The following EYA1 variants were observed in gnomAD, a reference collection of about 807,000 sequenced individuals.
EYA1 encodes the protein protein phosphatase EYA1.
Under a neutral mutation model 82.0 loss-of-function variants are expected in EYA1, and 16 were observed. That is an observed-to-expected ratio of 0.20 (90% CI 0.13 to 0.30). The LOEUF (loss-of-function observed/expected upper bound fraction) is 0.30. Ranked by LOEUF, EYA1 falls within the 10% of genes least tolerant of loss-of-function variation. The pLI is 1.00. For missense variants in EYA1, 633 were observed against 730.7 expected, an observed-to-expected ratio of 0.87 and a Z score of 1.54; for synonymous variants, 261 against 264.4, an observed-to-expected ratio of 0.99 and a Z score of 0.12.
At chr8:71,456,487 A>C (rs1807925256) in intron 2 of EYA1, among the ~76,000 whole-genome samples, 4 of 152,050 alleles carry the variant, frequency 2.6e-5, no homozygotes, top group Admixed American at 1.3e-4. Context: ...GGAGGCATCA[A>C]GCTACCTGAC....
intron 3 of EYA1, among the ~76,000 whole-genome samples, chr8:71,353,761 A>T (rs1019427277): frequency 2.0e-5 from 3 of 152,156 alleles, no homozygotes; most frequent in Admixed American, 1.3e-4. Flanking sequence ...TTATTTTTTT[A>T]AAAAATTGTG....
chr8:71,206,091 T>C (rs772658042), intron 17 of EYA1, among the ~76,000 whole-genome samples: 25 of 152,226 alleles, frequency 1.6e-4, no homozygotes, highest in Non-Finnish European at 3.4e-4. Flanking sequence ...GACACTTATA[T>C]AGTTATATCT....
At chr8:71,526,758 C>A (rs977428697) in intron 2 of EYA1, among the ~76,000 whole-genome samples, 5 of 152,154 alleles carry the variant, frequency 3.3e-5, no homozygotes, top group African/African-American at 1.2e-4. Flanking sequence ...CCACAGTGGC[C>A]ACTGTCACTT....
chr8:71,235,278 G>GAA (rs35505485), intron 12 of EYA1, among the ~76,000 whole-genome samples: 10 of 151,704 alleles, frequency 6.6e-5, no homozygotes, highest in South Asian at 2.1e-4. Context: ...ACTGCAATTA[G>GAA]AAAAAAAATA....
chr8:71,428,513 C>A (rs1246324476), intron 2 of EYA1, among the ~76,000 whole-genome samples: 2 of 152,108 alleles, frequency 1.3e-5, no homozygotes, highest in East Asian at 3.8e-4. Context: ...TCCCTTTTAA[C>A]AAAATGCATA....
At chr8:71,294,511 G>C (rs1279984162) in intron 9 of EYA1, among the ~76,000 whole-genome samples, 1 of 152,088 alleles carries the variant, frequency 6.6e-6, no homozygotes, top group Admixed American at 6.5e-5. Context: ...ACTAGAGAGG[G>C]AAAGAGAGAG....
In EYA1 at chr8:71,321,519, C is replaced by T. The variant is rs113672328; in HGVS notation, c.418+215G>A. Among the ~76,000 whole-genome samples the T allele has an allele frequency of 7.2e-4, 109 of 152,288 alleles. No homozygotes were observed. In the East Asian group the frequency reaches 0.01, roughly 14 times the overall value. On this transcript the variant is annotated intron_variant, in intron 6 of 17. Coordinates refer to ENST00000340726, the MANE Select transcript of EYA1 (RefSeq NM_000503.6). Reference sequence around the variant, plus strand: ...AGAAAAATGAGAGCAAGAAGGCATACGAACCACATAATCTTTTCGCTACCT... The same window carrying T: ...AGAAAAATGAGAGCAAGAAGGCATATGAACCACATAATCTTTTCGCTACCT...
chr8:71,509,098 G>C (rs921804501), intron 2 of EYA1, among the ~76,000 whole-genome samples: 1 of 151,932 alleles, frequency 6.6e-6, no homozygotes, highest in African/African-American at 2.4e-5. Flanking sequence ...GGTGCCTGCT[G>C]TGGTCCCAGT....
intron 4 of EYA1, 67 bp downstream of exon 4, chr8:71,334,024 CACAGGG>C (rs1824191513): frequency 3.0e-6 from 3 of 1,003,506 alleles, no homozygotes; most frequent in East Asian, 2.4e-5. Flanking sequence ...CATATACATA[CACAGGG>C]ACATTACATG....
intron 2 of EYA1, among the ~76,000 whole-genome samples, chr8:71,421,966 G>A (rs1831171776): frequency 6.6e-6 from 1 of 152,130 alleles, no homozygotes; most frequent in Non-Finnish European, 1.5e-5. Context: ...AAGGTATGTT[G>A]GGTAGTAGTT....
At chr8:71,298,910 T>A in intron 9 of EYA1, 137 bp downstream of exon 9, 1 of 737,650 alleles carries the variant, frequency 1.4e-6, no homozygotes, top group Non-Finnish European at 2.4e-6. Context: ...GCCACAGTCA[T>A]GCTGCTTGAC....
intron 2 of EYA1, among the ~76,000 whole-genome samples, chr8:71,518,804 T>C (rs1351039687): frequency 6.6e-6 from 1 of 152,176 alleles, no homozygotes; most frequent in African/African-American, 2.4e-5. Flanking sequence ...GGTTGACATG[T>C]TTGTGGCCTT....
chr8:71,416,774 C>G (rs1318177669), intron 2 of EYA1, among the ~76,000 whole-genome samples: 1 of 152,136 alleles, frequency 6.6e-6, no homozygotes, highest in African/African-American at 2.4e-5. Context: ...TTGTAAAATT[C>G]CTATTTATTC....
chr8:71,291,868 TAAGCACAACA>T (rs1174543053), intron 9 of EYA1, among the ~76,000 whole-genome samples: 5 of 152,150 alleles, frequency 3.3e-5, no homozygotes, highest in Non-Finnish European at 7.4e-5. Context: ...TGTAGAGCTC[TAAGCACAACA>T]ATTGTGTTCG....
At chr8:71,451,286 G>A (rs1218901725) in intron 2 of EYA1, among the ~76,000 whole-genome samples, 10 of 151,994 alleles carry the variant, frequency 6.6e-5, no homozygotes, top group Non-Finnish European at 8.8e-5. Context: ...AACAAATATG[G>A]AACAAACAAA....
intron 4 of EYA1, among the ~76,000 whole-genome samples, chr8:71,330,800 A>G (rs1823749155): frequency 6.6e-6 from 1 of 152,160 alleles, no homozygotes; most frequent in Non-Finnish European, 1.5e-5. Flanking sequence ...AACTTCCCAG[A>G]TAGCCTTCAT....
At chr8:71,323,126 A>G (rs1005155423) in intron 4 of EYA1, among the ~76,000 whole-genome samples, 2 of 152,108 alleles carry the variant, frequency 1.3e-5, no homozygotes, top group Non-Finnish European at 2.9e-5. Context: ...CATTGTAAAC[A>G]CAGTGAATCT....
At chr8:71,332,904 TCTCAG>T (rs1824053147) in intron 4 of EYA1, among the ~76,000 whole-genome samples, 1 of 152,184 alleles carries the variant, frequency 6.6e-6, no homozygotes, top group Non-Finnish European at 1.5e-5. Context: ...AGCATCTCTC[TCTCAG>T]TGCTTCTTTC....
chr8:71,412,180 G>C (rs1221312444), intron 2 of EYA1, among the ~76,000 whole-genome samples: 1 of 126,092 alleles, frequency 7.9e-6, no homozygotes, highest in Non-Finnish European at 1.6e-5. Context: ...ATTGAACAAT[G>C]AGATCACATG....
Sources: allele counts gnomAD v4.1 joint callset (sites outside exome capture counted in the v4.1 genomes callset), GRCh38; gene constraint gnomAD v4.1.1; transcripts MANE v1.5; gene names NCBI Gene and HGNC (gene_info 2026-07-23, HGNC 2026-07-21).